Variants in SYNE2 observed in about 807,000 individuals in gnomAD.
The protein encoded by SYNE2 is spectrin repeat containing nuclear envelope protein 2.
Under a neutral mutation model 856.3 loss-of-function variants are expected in SYNE2, and 431 were observed. The observed-to-expected ratio is 0.50, with a 90% CI of 0.47 to 0.55. The LOEUF (loss-of-function observed/expected upper bound fraction) is 0.55, where lower values mean the gene tolerates loss of function less well. Ranked by LOEUF, SYNE2 falls within the 20% of genes least tolerant of loss-of-function variation. The pLI is 0.00. For missense variants in SYNE2, 8,129 were observed against 8,023.2 expected, an observed-to-expected ratio of 1.01 and a Z score of -0.50; for synonymous variants, 2,923 against 2,872.3, an observed-to-expected ratio of 1.02 and a Z score of -0.56.
At chr14:63,920,840 A>G (rs1048904542) in intron 2 of SYNE2, among the ~76,000 whole-genome samples, 2 of 152,056 alleles carry the variant, frequency 1.3e-5, no homozygotes, top group Non-Finnish European at 2.9e-5. Flanking sequence ...TTGGCCGGGT[A>G]TGGTGGCTCA....
chr14:63,950,122 T>A, intron 7 of SYNE2, 116 bp downstream of exon 7: 1 of 1,148,198 alleles, frequency 8.7e-7, no homozygotes, highest in Non-Finnish European at 1.3e-6. Flanking sequence ...TCCCCCTTCC[T>A]CTCTGTGCTT....
At chr14:64,069,503 C>T (rs1567205666) in intron 51 of SYNE2, among the ~76,000 whole-genome samples, 1 of 152,290 alleles carries the variant, frequency 6.6e-6, no homozygotes, top group South Asian at 2.1e-4. Context: ...AGCAGGGCAG[C>T]TTATACCACA....
intron 50 of SYNE2, among the ~76,000 whole-genome samples, chr14:64,064,542 ATTTTTTT>A (rs369447974): frequency 3.9e-5 from 4 of 103,610 alleles, no homozygotes; most frequent in African/African-American, 7.4e-5. Context: ...GTACTTTTAG[ATTTTTTT>A]TTTTTTTTTT....
At chr14:64,047,442 G>A (rs1595122288) in intron 45 of SYNE2, among the ~76,000 whole-genome samples, 1 of 152,340 alleles carries the variant, frequency 6.6e-6, no homozygotes, top group East Asian at 1.9e-4. Context: ...TGCCAAACAG[G>A]AGGACAAGTT....
At chr14:63,876,635 C>T (rs1003365322) in intron 1 of SYNE2, among the ~76,000 whole-genome samples, 2 of 151,870 alleles carry the variant, frequency 1.3e-5, no homozygotes, top group South Asian at 2.1e-4. Context: ...CTACAGGCGC[C>T]CACCACCACG....
At chr14:64,140,717 T>A (rs2098132363) in intron 80 of SYNE2, among the ~76,000 whole-genome samples, 1 of 152,220 alleles carries the variant, frequency 6.6e-6, no homozygotes, top group African/African-American at 2.4e-5. Context: ...GTAAACAAAA[T>A]TGATATTTCT....
chr14:64,174,804 G>A (rs112507139), intron 94 of SYNE2, 140 bp from the exon 95 acceptor site: 4 of 722,302 alleles, frequency 5.5e-6, no homozygotes, highest in African/African-American at 5.3e-5. Context: ...GTGTGTGTAT[G>A]TACATTCTGA....
intron 97 of SYNE2, 123 bp from the exon 98 acceptor site, chr14:64,188,427 C>G (rs1282415556): frequency 8.2e-6 from 9 of 1,102,760 alleles, no homozygotes; most frequent in Non-Finnish European, 1.1e-5. Context: ...GAGGCAAAAC[C>G]AGACAAGGTT....
chr14:64,222,244 T>C (rs1034454816), intron 112 of SYNE2, among the ~76,000 whole-genome samples: 7 of 152,170 alleles, frequency 4.6e-5, no homozygotes, highest in African/African-American at 1.4e-4. Flanking sequence ...GTGCTAGCCA[T>C]TGTTTAAAAA....
intron 84 of SYNE2, among the ~76,000 whole-genome samples, chr14:64,150,316 A>AG (rs1180126416): frequency 2.9e-5 from 4 of 139,106 alleles, no homozygotes; most frequent in Non-Finnish European, 4.6e-5. Flanking sequence ...AAAAAAAAAA[A>AG]AAAAAGGATC....
intron 30 of SYNE2, among the ~76,000 whole-genome samples, chr14:64,006,406 G>A (rs527629392): frequency 2.6e-5 from 4 of 152,042 alleles, no homozygotes; most frequent in Admixed American, 6.5e-5. Context: ...ATAAGCACAC[G>A]TATGCGCTTT....
rs768146609 is a variant in SYNE2, at chr14:64,048,035, T to G, written c.7257T>G (p.Leu2419=). 1.2e-6 allele frequency: 2 copies of G among 1,613,840 alleles called. No individual in the cohort carries two copies. The highest frequency in any genetic ancestry group is 1.7e-5 in the Admixed American group (1 of 60,022). ...SAVEMAMSKQ[L]SLNAQESMKN... is the part of the protein sequence containing the mutation. ...TGGAAATGGCTATGTCAAAACAACT[T>G]TCTCTTAATGCTCAAGAAAGCATGA... The change falls in exon 46 of 116, where the codon CTT becomes CTG. Residue 2419 remains leucine, a synonymous_variant. Transcript: ENST00000555002.
At chr14:63,971,314 C>T (rs1413636611) in intron 11 of SYNE2, among the ~76,000 whole-genome samples, 1 of 152,002 alleles carries the variant, frequency 6.6e-6, no homozygotes, top group African/African-American at 2.4e-5. Context: ...AGGGGTTTCA[C>T]TATGTTGCCC....
At chr14:63,990,290 T>C (rs1375057209) in intron 19 of SYNE2, 121 bp from the exon 20 acceptor site, 3 of 866,378 alleles carry the variant, frequency 3.5e-6, no homozygotes, top group Non-Finnish European at 5.4e-6. Flanking sequence ...TTTTTCAGAA[T>C]GCAAATTTGC....
At chr14:63,762,879 G>A (rs1363354145) in intron 1 of SYNE2, among the ~76,000 whole-genome samples, 1 of 152,096 alleles carries the variant, frequency 6.6e-6, no homozygotes, top group Non-Finnish European at 1.5e-5. Flanking sequence ...GGTGAATCCA[G>A]GCAAAGATTA....
At chr14:63,776,192 A>G (rs1887099263) in intron 1 of SYNE2, among the ~76,000 whole-genome samples, 1 of 152,212 alleles carries the variant, frequency 6.6e-6, no homozygotes, top group Non-Finnish European at 1.5e-5. Context: ...ACTTGCAACA[A>G]TCAGATAAAT....
intron 7 of SYNE2, among the ~76,000 whole-genome samples, chr14:63,953,812 A>G (rs903321300): frequency 2.0e-5 from 3 of 152,196 alleles, no homozygotes; most frequent in African/African-American, 7.2e-5. Flanking sequence ...ACTACTCTAC[A>G]TACCTCATAT....
intron 30 of SYNE2, among the ~76,000 whole-genome samples, chr14:64,006,799 C>A (rs771701001): frequency 1.3e-5 from 2 of 151,900 alleles, no homozygotes; most frequent in Admixed American, 6.6e-5. Context: ...CTGCACTCAG[C>A]GTAGGTGACA....
intron 2 of SYNE2, among the ~76,000 whole-genome samples, chr14:63,925,694 C>A (rs1212817625): frequency 6.6e-6 from 1 of 152,166 alleles, no homozygotes; most frequent in Non-Finnish European, 1.5e-5. Context: ...GGTAACCATT[C>A]TTCTACTCTC....
Sources: allele counts gnomAD v4.1 joint callset (sites outside exome capture counted in the v4.1 genomes callset), GRCh38; gene constraint gnomAD v4.1.1; transcripts MANE v1.5; gene names NCBI Gene and HGNC (gene_info 2026-07-23, HGNC 2026-07-21).